The following TBX5 variants were observed in gnomAD, a reference collection of about 807,000 sequenced individuals.
TBX5 encodes T-box transcription factor TBX5.
Under a neutral mutation model 51.1 loss-of-function variants are expected in TBX5, and 8 were observed. The observed-to-expected ratio is 0.16, with a 90% confidence interval of 0.09 to 0.28. TBX5 has a LOEUF of 0.28. Ranked by LOEUF, TBX5 falls within the 10% of genes least tolerant of loss-of-function variation. The pLI is 1.00. For synonymous variants in TBX5, 302 were observed against 266.4 expected (o/e 1.13, Z -1.30); for missense variants, 589 against 671.7 (o/e 0.88, Z 1.36).
At chr12:114,356,990 C>CGATGGATGGATGGATGGATG (rs60572224) in intron 8 of TBX5, among the ~76,000 whole-genome samples, 69 of 143,318 alleles carry the variant, frequency 4.8e-4, no homozygotes, top group African/African-American at 1.6e-3. Flanking sequence ...AATATTTGTA[C>CGATGGATGGATGGATGGATG]GATGGATGGA....
At chr12:114,369,076 G>A (rs574545746) in intron 7 of TBX5, among the ~76,000 whole-genome samples, 1 of 152,260 alleles carries the variant, frequency 6.6e-6, no homozygotes, top group South Asian at 2.1e-4. Flanking sequence ...GTCAAAACTT[G>A]CCGACAATTC....
At chr12:114,396,822 G>A (rs1348252851) in intron 5 of TBX5, among the ~76,000 whole-genome samples, 1 of 152,182 alleles carries the variant, frequency 6.6e-6, no homozygotes, top group Non-Finnish European at 1.5e-5. Context: ...TACACAGCCA[G>A]GGCGGGTCAG....
At chr12:114,404,653 G>C (rs1337086894) in intron 1 of TBX5, among the ~76,000 whole-genome samples, 1 of 152,058 alleles carries the variant, frequency 6.6e-6, no homozygotes, top group East Asian at 1.9e-4. Flanking sequence ...CCAAACAGAA[G>C]ACTAGATGAA....
In TBX5 at chr12:114,368,119, G is replaced by A. The variant is rs534408497; in HGVS notation, c.756-1728C>T. 3.9e-5 allele frequency among the ~76,000 whole-genome samples: 6 copies of A among 152,306 alleles called. No homozygotes were observed. The South Asian group carries it at 1.2e-3, about 32-fold the overall frequency. Reference sequence around the variant, plus strand: ...TTAATCATTTATCTAAATAAGTTAAGCTTCACTATAAGTGATCATATCTGT... The same window carrying A: ...TTAATCATTTATCTAAATAAGTTAAACTTCACTATAAGTGATCATATCTGT... On this transcript the variant is annotated intron_variant, in intron 7 of 8. Coordinates refer to ENST00000405440, the MANE Select transcript of TBX5 (RefSeq NM_181486.4).
At position 114,405,654 on chromosome 12, in the gene TBX5, C is replaced by T. The variant is rs1248592191; in HGVS notation, c.-65G>A. On this transcript the variant is annotated 5_prime_UTR_variant, in exon 1 of 9. It adds an upstream start codon to the 5' untranslated region. Transcript: ENST00000405440. The stretch of plus-strand genomic sequence containing the variant: ...TCGTTCGGTGAAGCCGGTGCATTCA[C>T]CACATCCTCTGCTGCTCCTAGCAGG... The T allele has an allele frequency of 1.0e-6, 1 of 972,698 alleles. No homozygotes were observed. Among genetic ancestry groups the T allele is most frequent in the African/African-American group, 1.8e-5 (1 of 56,986 alleles). 60.3% of individuals were successfully genotyped at this position (972,698 alleles called of 1,614,324 possible).
intron 3 of TBX5, among the ~76,000 whole-genome samples, chr12:114,400,545 C>T (rs1357515598): frequency 6.6e-6 from 1 of 152,248 alleles, no homozygotes; most frequent in East Asian, 1.9e-4. Flanking sequence ...TCGGCTCACT[C>T]AGCGATGGCG....
At chr12:114,399,392 G>T in intron 4 of TBX5, 121 bp downstream of exon 4, 3 of 1,384,798 alleles carry the variant, frequency 2.2e-6, no homozygotes, top group Non-Finnish European at 3.0e-6. Flanking sequence ...GCGGACAGAC[G>T]CCTTTAGCAC....
chr12:114,384,354 C>A (rs1870678727), intron 7 of TBX5, among the ~76,000 whole-genome samples: 1 of 152,016 alleles, frequency 6.6e-6, no homozygotes, highest in African/African-American at 2.4e-5. Context: ...TAGCTCACTG[C>A]AGCCTCAAAT....
At chr12:114,374,018 G>C (rs1870063363) in intron 7 of TBX5, among the ~76,000 whole-genome samples, 1 of 152,188 alleles carries the variant, frequency 6.6e-6, no homozygotes, top group Non-Finnish European at 1.5e-5. Flanking sequence ...GATTGCCTTG[G>C]GGCATCCTTT....
upstream of TBX5, among the ~76,000 whole-genome samples, chr12:114,406,623 G>C (rs1011954950): frequency 6.6e-6 from 1 of 152,036 alleles, no homozygotes; most frequent in African/African-American, 2.4e-5. Flanking sequence ...CGACTCTGGG[G>C]TGAAGGCAGG....
intron 3 of TBX5, among the ~76,000 whole-genome samples, 193 bp from the exon 4 acceptor site, chr12:114,399,825 A>G (rs943612834): frequency 6.6e-6 from 1 of 152,092 alleles, no homozygotes; most frequent in African/African-American, 2.4e-5. Context: ...CGAAGGGAGG[A>G]GGTAACAGCA....
chr12:114,389,789 A>AAAAAAAT (rs1871058412), intron 6 of TBX5, among the ~76,000 whole-genome samples: 2 of 126,226 alleles, frequency 1.6e-5, no homozygotes, highest in Non-Finnish European at 3.3e-5. Flanking sequence ...AAAAAAAAAA[A>AAAAAAAT]GTGGATGAAG....
chr12:114,377,645 A>G (rs1169804120), intron 7 of TBX5, among the ~76,000 whole-genome samples: 1 of 147,932 alleles, frequency 6.8e-6, no homozygotes, highest in East Asian at 2.0e-4. Context: ...CAAACTCCTG[A>G]TCTCAAGCAA....
intron 7 of TBX5, among the ~76,000 whole-genome samples, chr12:114,378,980 G>A (rs140992604): frequency 3.5e-4 from 53 of 152,288 alleles, no homozygotes; most frequent in African/African-American, 1.2e-3. Context: ...ACTTCCGTGA[G>A]AAAGTCTGAA....
chr12:114,399,416 A>G lies in TBX5; in HGVS notation c.362+97T>C, dbSNP rs1232768966. The G allele has an allele frequency of 3.4e-6, 3 of 895,220 alleles. No homozygotes were observed. The African/African-American group carries it at 6.5e-5, about 19-fold the overall frequency. The allele number at this position is 895,220 out of a possible 1,614,324, so 55.5% of individuals were successfully genotyped here. ...CGCCTTTAGCACACAGTAGGAACTA[A>G]AAAAAAAAAAAAAGTTCACTGATAC... On this transcript the variant is annotated intron_variant, in intron 4 of 8. Coordinates refer to ENST00000405440, the MANE Select transcript of TBX5 (RefSeq NM_181486.4).
intron 2 of TBX5, 110 bp downstream of exon 2, chr12:114,403,641 TG>T (rs755296570): frequency 3.1e-5 from 46 of 1,477,266 alleles, no homozygotes; most frequent in Non-Finnish European, 4.1e-5. Context: ...GGGTTCGTTT[TG>T]GGGTTTTTTT....
intron 2 of TBX5, 103 bp downstream of exon 2, chr12:114,403,649 T>C (rs1276717231): frequency 6.6e-7 from 1 of 1,507,308 alleles, no homozygotes; most frequent in Non-Finnish European, 8.8e-7. Context: ...TTTGGGGTTT[T>C]TTTATTTTGT....
At chr12:114,397,542 A>G (rs1403548573) in intron 5 of TBX5, among the ~76,000 whole-genome samples, 1 of 152,230 alleles carries the variant, frequency 6.6e-6, no homozygotes, top group Non-Finnish European at 1.5e-5. Flanking sequence ...TTCAAAAATC[A>G]GTGTTTTGTG....
intron 4 of TBX5, among the ~76,000 whole-genome samples, chr12:114,399,045 G>GCC (rs1269900719): frequency 6.6e-6 from 1 of 152,150 alleles, no homozygotes; most frequent in African/African-American, 2.4e-5. Flanking sequence ...TCATCGTCAG[G>GCC]CCCCTGCACT....
Sources: gnomAD v4.1 joint callset for allele counts (sites outside exome capture counted in the v4.1 genomes callset) on GRCh38, gnomAD v4.1.1 for gene constraint, MANE v1.5 for transcripts, NCBI Gene and HGNC (gene_info 2026-07-23, HGNC 2026-07-21) for gene names.